Variants in DDN observed in about 807,000 individuals in gnomAD.
The protein encoded by DDN is dendrin.
Under a neutral mutation model 7.3 loss-of-function variants are expected in DDN, and 4 were observed. The ratio of observed to expected loss-of-function variants is 0.55; its 90% CI spans 0.27 to 1.25. The LOEUF (loss-of-function observed/expected upper bound fraction) is 1.25. Ranked by LOEUF, DDN falls within the 50% of genes most tolerant of loss-of-function variation. The pLI, the probability that DDN is intolerant of heterozygous loss-of-function variation, is 0.12. For missense variants in DDN, 933 were observed against 974.7 expected (o/e 0.96, Z 0.57); for synonymous variants, 425 against 424.3 (o/e 1.00, Z -0.02).
Position 48,997,687 on chromosome 12 carries a change from G to C in DDN, c.1189C>G (p.His397Asp), listed in dbSNP as rs766654709. Residue 397 changes from histidine (H) to aspartate (D), a missense_variant, in exon 2 of 2, where the codon CAT (histidine) becomes GAT (aspartate). Coordinates refer to ENST00000421952, the MANE Select transcript of DDN (RefSeq NM_015086.2). ...CAGGGTCTGGGGAGTGTCTGGCTAT[G>C]GCGGGGCGGCTGCTTTTTAGGGGAG... ...IPSPKKQPPRHSQTLPRPWAP... is the reference protein window; with the variant it reads ...IPSPKKQPPRDSQTLPRPWAP... 1 of 1,571,880 alleles carries C rather than the reference G, an allele frequency of 6.4e-7. No individual in the cohort carries two copies. The highest frequency in any genetic ancestry group is 8.6e-7 in the Non-Finnish European group (1 of 1,157,038).
Position 48,997,646 on chromosome 12 carries a change from G to A in DDN, c.1230C>T (p.Thr410=), listed in dbSNP as rs1941229997. 1.9e-6 allele frequency: 3 copies of A among 1,547,968 alleles called. No homozygotes were observed. Among genetic ancestry groups the A allele is most frequent in the African/African-American group, 1.4e-5 (1 of 72,864 alleles). ...TLPRPWAPGG[T]GWRESLGLGE... is the part of the protein sequence containing the mutation. ...CAAGACCCAGAGATTCTCTCCATCCGGTGCCTCCGGGAGCCCAGGGTCTGG... is the reference window on the plus strand; with the variant it reads ...CAAGACCCAGAGATTCTCTCCATCCAGTGCCTCCGGGAGCCCAGGGTCTGG... The change falls in exon 2 of 2, where the codon ACC becomes ACT. Residue 410 remains threonine, a synonymous_variant. Transcript: ENST00000421952.
In DDN at chr12:48,998,579, C is replaced by T. The variant is rs768004226; in HGVS notation, c.297G>A (p.Ala99=). The T allele has an allele frequency of 3.1e-6, 5 of 1,590,592 alleles. No homozygotes were observed. The highest frequency in any genetic ancestry group is 1.4e-5 in the African/African-American group (1 of 73,992). Residue 99 remains alanine, a synonymous_variant, in exon 2 of 2, where the codon GCG becomes GCA. Transcript: ENST00000421952. The stretch of plus-strand genomic sequence containing the variant: ...GAGCTCGGACCTCGGCCAGGGGCCC[C>T]GCCCGCCAGTTGGTCGCCTCCTGCA... The part of the protein sequence containing the change: ...RVLQEATNWR[A]GPLAEVRARE...
chr12:48,997,436 A>G lies in DDN; in HGVS notation c.1440T>C (p.Ser480=), dbSNP rs1592264071. Residue 480 remains serine, a synonymous_variant, in exon 2 of 2, where the codon TCT becomes TCC. Coordinates refer to ENST00000421952, the MANE Select transcript of DDN (RefSeq NM_015086.2). ...AATCCCCCACCACGCGTGTCACCCCAGAGGGCAAAAGCTGCACCTGCTGGG... is the reference window on the plus strand; with the variant it reads ...AATCCCCCACCACGCGTGTCACCCCGGAGGGCAAAAGCTGCACCTGCTGGG... ...PRTQQVQLLP[S]GVTRVVGDSP... is the part of the protein sequence containing the mutation. 6.2e-7 allele frequency: 1 copy of G among 1,613,954 alleles called. No individual in the cohort carries two copies. The highest frequency in any genetic ancestry group is 8.5e-7 in the Non-Finnish European group (1 of 1,179,978).
rs1367406716 is a variant in DDN, at chr12:48,997,280, C to T, written c.1596G>A (p.Glu532=). The T allele has an allele frequency of 6.2e-7, 1 of 1,610,462 alleles. No individual in the cohort carries two copies. The highest frequency in any genetic ancestry group is 1.7e-5 in the Admixed American group (1 of 59,684). ...GTGTGGAGTCCCCCGGCCTCCCGCC[C>T]TCAGCTTCGCCCCCGCGGCCCCCGC... ...QPGGGRGGEA[E]GGRPGDSTLE... Residue 532 remains glutamate (E), a synonymous_variant, in exon 2 of 2, where the codon GAG becomes GAA. Coordinates refer to ENST00000421952, the MANE Select transcript of DDN (RefSeq NM_015086.2).
Position 48,999,292 on chromosome 12 carries a change from C to T in DDN, c.-5G>A. The T allele has an allele frequency of 8.4e-7, 1 of 1,189,472 alleles. No homozygotes were observed. The highest frequency in any genetic ancestry group is 1.1e-6 in the Non-Finnish European group (1 of 872,778). The allele number at this position is 1,189,472 out of a possible 1,614,324, so 73.7% of individuals were successfully genotyped here. A position where few individuals can be genotyped will look rare whatever the true frequency, so the allele number is the denominator to read the frequency against. Reference sequence around the variant, plus strand: ...GAACAGTGGGCCATCCAGCATCCTGCCCCACCCCACCCCGGCCCCCCACCC... The same window carrying T: ...GAACAGTGGGCCATCCAGCATCCTGTCCCACCCCACCCCGGCCCCCCACCC... On this transcript the variant is annotated 5_prime_UTR_variant, in exon 1 of 2. Transcript: ENST00000421952.
In DDN at chr12:48,997,260, G is replaced by T; in HGVS notation, c.1616C>A (p.Ser539Tyr). The T allele has an allele frequency of 4.3e-6, 7 of 1,609,934 alleles. No individual in the cohort carries two copies. Among genetic ancestry groups the T allele is most frequent in the Non-Finnish European group, 5.1e-6 (6 of 1,178,408 alleles). Residue 539 changes from serine to tyrosine, a missense_variant, in exon 2 of 2, where the codon TCC (serine) becomes TAC (tyrosine). Transcript: ENST00000421952. ...GEAEGGRPGD[S>Y]TLEERTFRIL... ...GCGGAAAGTGCGCTCCTCCAGTGTG[G>T]AGTCCCCCGGCCTCCCGCCCTCAGC...
At position 48,998,253 on chromosome 12, in the gene DDN, A is replaced by G. The variant is rs1435959706; in HGVS notation, c.623T>C (p.Leu208Pro). 1 of 1,611,344 alleles carries G rather than the reference A, an allele frequency of 6.2e-7. No homozygotes were observed. Among genetic ancestry groups the G allele is most frequent in the Non-Finnish European group, 8.5e-7 (1 of 1,179,244 alleles). Reference protein sequence around the residue: ...PGPPSYEAHLLLRGSAGTAPR... With the variant: ...PGPPSYEAHLPLRGSAGTAPR... ...GGCGGTCCCGGCAGAACCTCTCAGC[A>G]GCAGGTGAGCCTCGTAGCTTGGGGG... The change falls in exon 2 of 2, where the codon CTG becomes CCG. Residue 208 changes from leucine (L) to proline (P), a missense_variant. Transcript: ENST00000421952.
chr12:48,996,973 T>C lies in DDN; in HGVS notation c.1903A>G (p.Ser635Gly), dbSNP rs1283368218. The C allele has an allele frequency of 3.2e-6, 5 of 1,573,868 alleles. No individual in the cohort carries two copies. The highest frequency in any genetic ancestry group is 1.1e-5 in the South Asian group (1 of 87,662). ...CCATCAGAGGAGCCGCTATGGACGC[T>C]GAGCTCCTCAGCTTCGTCCGTGTCC... The part of the protein sequence containing the change: ...DSDTDEAEEL[S>G]VHSGSSDGSD... The change falls in exon 2 of 2, where the codon AGC becomes GGC. Residue 635 changes from serine to glycine, a missense_variant. By Grantham distance (56) the Ser-to-Gly change is moderately conservative (BLOSUM62 0). Coordinates refer to ENST00000421952, the MANE Select transcript of DDN (RefSeq NM_015086.2).
rs561199372 is a variant in DDN, at chr12:48,997,439, G to A, written c.1437C>T (p.Pro479=). The change falls in exon 2 of 2, where the codon CCC becomes CCT. Residue 479 remains proline (P), a synonymous_variant. Transcript: ENST00000421952. ...TPRTQQVQLL[P]SGVTRVVGDS... ...CCCCCACCACGCGTGTCACCCCAGA[G>A]GGCAAAAGCTGCACCTGCTGGGTTC... is the stretch of plus-strand genomic sequence containing the variant. 7.7e-5 allele frequency: 125 copies of A among 1,614,048 alleles called. No homozygotes were observed. The highest frequency in any genetic ancestry group is 1.0e-4 in the Non-Finnish European group (122 of 1,180,046).
Position 48,998,409 on chromosome 12 carries a change from A to T in DDN, c.467T>A (p.Leu156Gln), listed in dbSNP as rs563444155. 6.7e-7 allele frequency: 1 copy of T among 1,502,564 alleles called. No individual in the cohort carries two copies. 93.1% of individuals were successfully genotyped at this position (1,502,564 alleles called of 1,614,324 possible). A position where few individuals can be genotyped will look rare whatever the true frequency, so the allele number is the denominator to read the frequency against. Residue 156 changes from leucine to glutamine, a missense_variant, in exon 2 of 2, where the codon CTG (leucine) becomes CAG (glutamine). Transcript: ENST00000421952. ...CCGCAAGGGAGCAGGGAGCCCTGCC[A>T]GCTGGGCCACCCGAGGGGCGTTGCG... ...EPRNAPRVAQ[L>Q]AGLPAPLRPE...
rs1941234200 is a variant in DDN at position 48,997,837 on chromosome 12, G to T, written c.1039C>A (p.Pro347Thr). 6.2e-7 allele frequency: 1 copy of T among 1,613,854 alleles called. No individual in the cohort carries two copies. The highest frequency in any genetic ancestry group is 8.5e-7 in the Non-Finnish European group (1 of 1,180,012). ...ATGSAGTEIA[P>T]AGSATAAPCA... is the part of the protein sequence containing the mutation. The stretch of plus-strand genomic sequence containing the variant: ...GGAGCCGCAGTTGCAGACCCCGCAG[G>T]AGCTATCTCGGTGCCTGCGCTCCCT... Residue 347 changes from proline (P) to threonine (T), a missense_variant, in exon 2 of 2, where the codon CCT (proline) becomes ACT (threonine). Pro to Thr is a conservative substitution (Grantham distance 38). Coordinates refer to ENST00000421952, the MANE Select transcript of DDN (RefSeq NM_015086.2).
At position 48,997,893 on chromosome 12, in the gene DDN, C is replaced by T; in HGVS notation, c.983G>A (p.Gly328Asp). 3 of 1,612,814 alleles carry T rather than the reference C, an allele frequency of 1.9e-6. No homozygotes were observed. Among genetic ancestry groups the T allele is most frequent in the Non-Finnish European group, 2.5e-6 (3 of 1,180,004 alleles). The change falls in exon 2 of 2, where the codon GGT (glycine) becomes GAT (aspartate). Residue 328 changes from glycine to aspartate, a missense_variant. Transcript: ENST00000421952. Reference sequence around the variant, plus strand: ...TTTGGCTTGGGGATGGCTGTCGCTACCACTGTTCAGGTCAGCAGCAGCCAG... The same window carrying T: ...TTTGGCTTGGGGATGGCTGTCGCTATCACTGTTCAGGTCAGCAGCAGCCAG... The part of the protein sequence containing the change: ...LGLAAADLNS[G>D]SDSHPQAKAT...
rs781700633 is a variant in DDN, at chr12:48,997,464, C to T, written c.1412G>A (p.Arg471Gln). Residue 471 changes from arginine (R) to glutamine (Q), a missense_variant, in exon 2 of 2, where the codon CGA becomes CAA. Transcript: ENST00000421952. The stretch of plus-strand genomic sequence containing the variant: ...GGGCAAAAGCTGCACCTGCTGGGTT[C>T]GGGGGGTTGGAACATATTGGGATCG... ...VIRSQYVPTP[R>Q]TQQVQLLPSG... 6.2e-7 allele frequency: 1 copy of T among 1,613,824 alleles called. No individual in the cohort carries two copies. Among genetic ancestry groups the T allele is most frequent in the East Asian group, 2.2e-5 (1 of 44,878 alleles).
rs773080042 is a variant in DDN, at chr12:48,998,550, T to G, written c.326A>C (p.Glu109Ala). Residue 109 changes from glutamate (E) to alanine (A), a missense_variant, in exon 2 of 2, where the codon GAG becomes GCG. By Grantham distance (107) the Glu-to-Ala change is moderately radical. Transcript: ENST00000421952. ...AGPLAEVRAR[E>A]QEKRKAASQE... Reference sequence around the variant, plus strand: ...CGACGCCGCTTTCCTTTTCTCTTGCTCCCGAGCTCGGACCTCGGCCAGGGG... The same window carrying G: ...CGACGCCGCTTTCCTTTTCTCTTGCGCCCGAGCTCGGACCTCGGCCAGGGG... 1 of 1,593,740 alleles carries G rather than the reference T, an allele frequency of 6.3e-7. No individual in the cohort carries two copies. The highest frequency in any genetic ancestry group is 1.1e-5 in the South Asian group (1 of 90,320).
At position 48,999,065 on chromosome 12, in the gene DDN, C is replaced by T; in HGVS notation, c.209+14G>A. The T allele has an allele frequency of 6.2e-7, 1 of 1,613,984 alleles. No individual in the cohort carries two copies. On this transcript the variant is annotated intron_variant, in intron 1 of 1. Coordinates refer to ENST00000421952, the MANE Select transcript of DDN (RefSeq NM_015086.2). ...GCCCCACCACTCTCTTCCCCTCACC[C>T]CTGCTTCACTCACGTGCGGTTCTGG...
rs202028952 is a variant in DDN at position 48,997,225 on chromosome 12, G to A, written c.1651C>T (p.Leu551Phe). 158 of 1,589,438 alleles carry A rather than the reference G, an allele frequency of 9.9e-5. 1 individual carries two copies. In the East Asian group the frequency reaches 3.4e-3, roughly 34 times the overall value. The part of the protein sequence containing the change: ...LEERTFRILG[L>F]PAPEVNLRDA... The stretch of plus-strand genomic sequence containing the variant: ...CGCAGGTTTACTTCGGGGGCCGGGA[G>A]CCCCAAGATGCGGAAAGTGCGCTCC... The change falls in exon 2 of 2, where the codon CTC becomes TTC. Residue 551 changes from leucine (L) to phenylalanine (F), a missense_variant. Physicochemically the swap from Leu to Phe is conservative, Grantham distance 22 (BLOSUM62 0). Coordinates refer to ENST00000421952, the MANE Select transcript of DDN (RefSeq NM_015086.2).
At position 48,999,312 on chromosome 12, in the gene DDN, C is replaced by T. The variant is rs1941266247; in HGVS notation, c.-25G>A. The stretch of plus-strand genomic sequence containing the variant: ...TCCTGCCCCACCCCACCCCGGCCCC[C>T]CACCCTCCCACCCGCCCCAGGAGCC... On this transcript the variant is annotated 5_prime_UTR_variant, in exon 1 of 2. Transcript: ENST00000421952. 6.7e-7 allele frequency: 1 copy of T among 1,503,204 alleles called. No individual in the cohort carries two copies. Among genetic ancestry groups the T allele is most frequent in the African/African-American group, 1.4e-5 (1 of 70,498 alleles). 93.1% of individuals were successfully genotyped at this position (1,503,204 alleles called of 1,614,324 possible).
chr12:48,997,166 G>C lies in DDN; in HGVS notation c.1710C>G (p.His570Gln), dbSNP rs778848522. The C allele has an allele frequency of 3.9e-6, 6 of 1,550,224 alleles. No homozygotes were observed. Among genetic ancestry groups the C allele is most frequent in the African/African-American group, 1.4e-5 (1 of 72,954 alleles). Reference protein sequence around the residue: ...DAPTQPGSPEHQALGPAASGA... With the variant: ...DAPTQPGSPEQQALGPAASGA... ...CCGAAGCTGCTGGGCCTAAGGCTTGGTGCTCTGGGCTACCTGGCTGCGTGG... is the reference window on the plus strand; with the variant it reads ...CCGAAGCTGCTGGGCCTAAGGCTTGCTGCTCTGGGCTACCTGGCTGCGTGG... Residue 570 changes from histidine to glutamine, a missense_variant, in exon 2 of 2, where the codon CAC becomes CAG. Physicochemically the swap from His to Gln is conservative, Grantham distance 24 (BLOSUM62 0). Coordinates refer to ENST00000421952, the MANE Select transcript of DDN (RefSeq NM_015086.2).
At chr12:48,998,804 G>T in intron 1 of DDN, 138 bp from the exon 2 acceptor site, 1 of 1,144,102 alleles carries the variant, frequency 8.7e-7, no homozygotes, top group Non-Finnish European at 1.2e-6. Context: ...GTGCACGTGC[G>T]TATATGTTAG....
Sources: allele counts gnomAD v4.1 joint callset, GRCh38; gene constraint gnomAD v4.1.1; transcripts MANE v1.5; gene names NCBI Gene and HGNC (gene_info 2026-07-23, HGNC 2026-07-21).